The following DPY19L2 variants were observed in gnomAD, a reference collection of about 807,000 sequenced individuals.
DPY19L2 encodes dpy-19 like 2, also known as probable C-mannosyltransferase DPY19L2.
DPY19L2 carries 34 observed loss-of-function variants against 97.9 expected under a neutral mutation model. The observed-to-expected ratio is 0.35, with a 90% CI of 0.26 to 0.46. The LOEUF is 0.46. Among genes scored for constraint, DPY19L2 ranks in the 20% least tolerant of loss-of-function variants. The pLI is 1.00. For synonymous variants in DPY19L2, 230 were observed against 307.9 expected, an observed-to-expected ratio of 0.75 and a Z score of 2.65; for missense variants, 623 against 911.4, an observed-to-expected ratio of 0.68 and a Z score of 4.07.
At chr12:63,653,369 G>C (rs1894533906) in intron 4 of DPY19L2, among the ~76,000 whole-genome samples, 1 of 152,072 alleles carries the variant, frequency 6.6e-6, no homozygotes, top group Admixed American at 6.5e-5. Context: ...AGACCAGCCT[G>C]AGCAACATAG....
chr12:63,645,321 C>A (rs1893265561), intron 5 of DPY19L2, among the ~76,000 whole-genome samples: 1 of 152,106 alleles, frequency 6.6e-6, no homozygotes, highest in African/African-American at 2.4e-5. Flanking sequence ...GTTCTAGTAA[C>A]TTCTCTTGTT....
intron 9 of DPY19L2, chr12:63,620,308 T>G: frequency 4.8e-6 from 1 of 206,750 alleles, no homozygotes; most frequent in South Asian, 7.0e-5. Context: ...CCAGGTAAAA[T>G]TCTGCTATAC....
chr12:63,566,500 T>C (rs1216449475), intron 21 of DPY19L2, among the ~76,000 whole-genome samples: 5 of 148,666 alleles, frequency 3.4e-5, no homozygotes, highest in Non-Finnish European at 6.0e-5. Context: ...CATCCATATC[T>C]ATAATTTTGT....
intron 11 of DPY19L2, among the ~76,000 whole-genome samples, chr12:63,610,952 A>G (rs1886918002): frequency 6.6e-6 from 1 of 151,436 alleles, no homozygotes; most frequent in African/African-American, 2.4e-5. Flanking sequence ...AATAAATACA[A>G]ATGTCCAACA....
intron 19 of DPY19L2, among the ~76,000 whole-genome samples, chr12:63,578,200 T>G (rs1281308883): frequency 6.6e-6 from 1 of 152,028 alleles, no homozygotes; most frequent in Non-Finnish European, 1.5e-5. Flanking sequence ...TTAATTGAAA[T>G]AAGCCAGGTA....
intron 4 of DPY19L2, among the ~76,000 whole-genome samples, chr12:63,650,391 AAAC>A (rs760049940): frequency 5.9e-4 from 90 of 152,244 alleles, no homozygotes; most frequent in Admixed American, 9.8e-4. Flanking sequence ...TCTTTTTTGT[AAAC>A]AATATAATTT....
intron 20 of DPY19L2, among the ~76,000 whole-genome samples, chr12:63,569,898 C>T (rs1405929102): frequency 1.3e-5 from 2 of 152,060 alleles, no homozygotes; most frequent in South Asian, 2.1e-4. Flanking sequence ...AGTGGGAGTT[C>T]TTACAAAATC....
chr12:63,561,081 G>C (rs1441940141), intron 21 of DPY19L2, among the ~76,000 whole-genome samples: 3 of 152,072 alleles, frequency 2.0e-5, no homozygotes, highest in African/African-American at 4.8e-5. Flanking sequence ...CCTTGGATTA[G>C]CATGAAATGA....
intron 1 of DPY19L2, among the ~76,000 whole-genome samples, chr12:63,666,908 A>G (rs897932772): frequency 2.0e-5 from 3 of 152,190 alleles, no homozygotes; most frequent in Admixed American, 1.3e-4. Flanking sequence ...GGCTAACAAC[A>G]TAAATGCAAA....
At chr12:63,662,025 T>C (rs1269640253) in intron 3 of DPY19L2, among the ~76,000 whole-genome samples, 3 of 152,176 alleles carry the variant, frequency 2.0e-5, no homozygotes, top group South Asian at 2.1e-4. Context: ...TCAGTGTCAA[T>C]TGACTATTGT....
chr12:63,578,108 AG>A (rs1442159907), intron 19 of DPY19L2, among the ~76,000 whole-genome samples: 4 of 152,162 alleles, frequency 2.6e-5, no homozygotes, highest in African/African-American at 9.6e-5. Context: ...AGTGCTATTC[AG>A]CCATAAAAAC....
chr12:63,590,657 A>AT (rs1882737287), intron 16 of DPY19L2, among the ~76,000 whole-genome samples: 3 of 152,088 alleles, frequency 2.0e-5, no homozygotes, highest in South Asian at 2.1e-4. Flanking sequence ...ATACAATTCT[A>AT]TTTTTTTAAA....
At chr12:63,608,871 T>C (rs147074861) in intron 11 of DPY19L2, among the ~76,000 whole-genome samples, 196 bp from the exon 12 acceptor site, 1,584 of 152,240 alleles carry the variant, frequency 0.01, 18 homozygotes, top group Non-Finnish European at 0.016. Context: ...GTTAAATGGT[T>C]TGTGTGTCAA....
At chr12:63,614,961 C>T (rs568282681) in intron 11 of DPY19L2, among the ~76,000 whole-genome samples, 34 of 152,202 alleles carry the variant, frequency 2.2e-4, no homozygotes, top group African/African-American at 7.9e-4. Context: ...GCAGGAATGG[C>T]TTCCTCCAGG....
At chr12:63,586,618 T>C (rs891268834) in intron 16 of DPY19L2, among the ~76,000 whole-genome samples, 6 of 152,184 alleles carry the variant, frequency 3.9e-5, no homozygotes, top group African/African-American at 1.4e-4. Flanking sequence ...ATTGGTTTCC[T>C]CATCTGCAAA....
At chr12:63,580,295 G>A (rs1453330504) in intron 19 of DPY19L2, among the ~76,000 whole-genome samples, 1 of 152,096 alleles carries the variant, frequency 6.6e-6, no homozygotes, top group East Asian at 1.9e-4. Context: ...CTGGCACAAG[G>A]TGTGAAATTT....
chr12:63,636,692 C>A (rs1592680166), intron 6 of DPY19L2, among the ~76,000 whole-genome samples: 1 of 152,164 alleles, frequency 6.6e-6, no homozygotes, highest in Non-Finnish European at 1.5e-5. Flanking sequence ...CAAAGAAGGC[C>A]ATTACATAAT....
At chr12:63,587,376 T>TA (rs1240920776) in intron 16 of DPY19L2, among the ~76,000 whole-genome samples, 3 of 151,830 alleles carry the variant, frequency 2.0e-5, no homozygotes, top group African/African-American at 7.3e-5. Context: ...CTAGACCATT[T>TA]GGAATAGCAC....
chr12:63,629,798 G>A (rs888100682), intron 6 of DPY19L2, among the ~76,000 whole-genome samples: 2 of 152,168 alleles, frequency 1.3e-5, no homozygotes, highest in Non-Finnish European at 2.9e-5. Flanking sequence ...AGGAAAAACT[G>A]TTAAGGGCAG....
Sources: allele counts gnomAD v4.1 joint callset (sites outside exome capture counted in the v4.1 genomes callset), GRCh38; gene constraint gnomAD v4.1.1; transcripts MANE v1.5; gene names NCBI Gene and HGNC (gene_info 2026-07-23, HGNC 2026-07-21).